The following ROBO2 variants were observed in gnomAD, a reference collection of about 807,000 sequenced individuals.
ROBO2 encodes roundabout homolog 2.
A neutral mutation model predicts 160.8 loss-of-function variants in ROBO2; 53 were observed. The ratio of observed to expected loss-of-function variants is 0.33; its 90% confidence interval spans 0.26 to 0.41. ROBO2 has a LOEUF of 0.41. ROBO2 is among the 10% of genes least tolerant of loss of function. The pLI is 1.00. For synonymous variants in ROBO2, 664 were observed against 611.7 expected, an observed-to-expected ratio of 1.09 and a Z score of -1.26; for missense variants, 1,577 against 1,722.4, an observed-to-expected ratio of 0.92 and a Z score of 1.49.
chr3:77,455,373 C>A (rs2081523231), intron 2 of ROBO2, among the ~76,000 whole-genome samples: 1 of 152,114 alleles, frequency 6.6e-6, no homozygotes, highest in South Asian at 2.1e-4. Context: ...AATATAATCG[C>A]TGACATGTGA....
intron 2 of ROBO2, among the ~76,000 whole-genome samples, chr3:76,525,543 A>G (rs879896307): frequency 1.3e-5 from 2 of 151,926 alleles, no homozygotes; most frequent in Admixed American, 1.3e-4. Flanking sequence ...AAACTGAAAA[A>G]AATTCTTTTA....
rs1000017672 is a variant in ROBO2 at position 76,039,152 on chromosome 3, A to G, written c.109+101550A>G. ...GGAAGTGGCCATAGTAAAGACTGGC[A>G]TTAGGTTGACTAGAGAAGGATGCGG... On this transcript the variant is annotated intron_variant, in intron 2 of 26. Transcript: ENST00000487694. Among the ~76,000 whole-genome samples, 7 of 151,998 alleles carry G rather than the reference A, an allele frequency of 4.6e-5. 1 individual carries two copies. Among genetic ancestry groups the G allele is most frequent in the African/African-American group, 1.7e-4 (7 of 41,256 alleles).
At chr3:75,986,884 T>C (rs1345732835) in intron 2 of ROBO2, among the ~76,000 whole-genome samples, 1 of 151,758 alleles carries the variant, frequency 6.6e-6, no homozygotes, top group South Asian at 2.1e-4. Flanking sequence ...TCACCATACA[T>C]GTGAAGATTC....
chr3:76,537,999 G>A (rs1370853190), intron 2 of ROBO2, among the ~76,000 whole-genome samples: 1 of 152,042 alleles, frequency 6.6e-6, no homozygotes, highest in Non-Finnish European at 1.5e-5. Flanking sequence ...TCATATGGAG[G>A]GTCAATCGGT....
At chr3:76,122,376 A>G (rs191881516) in intron 2 of ROBO2, among the ~76,000 whole-genome samples, 10 of 152,094 alleles carry the variant, frequency 6.6e-5, no homozygotes, top group African/African-American at 2.2e-4. Context: ...CTGTATTTTT[A>G]TTTTTCTTGA....
At chr3:76,816,954 A>G (rs936105895) in intron 2 of ROBO2, among the ~76,000 whole-genome samples, 2 of 152,156 alleles carry the variant, frequency 1.3e-5, no homozygotes. Context: ...CATCATTCTC[A>G]GCAAACTAAC....
At chr3:76,924,076 C>G (rs189438355) in intron 2 of ROBO2, among the ~76,000 whole-genome samples, 1 of 152,066 alleles carries the variant, frequency 6.6e-6, no homozygotes, top group Non-Finnish European at 1.5e-5. Context: ...AGAATTTGAG[C>G]GACAGTATGT....
At chr3:77,533,152 C>A (rs529010163) in intron 6 of ROBO2, among the ~76,000 whole-genome samples, 7 of 152,092 alleles carry the variant, frequency 4.6e-5, no homozygotes, top group Non-Finnish European at 1.0e-4. Context: ...TTTTCAATAT[C>A]TTACTAAAAA....
chr3:77,560,136 G>T (rs1419918756), intron 9 of ROBO2, among the ~76,000 whole-genome samples: 1 of 152,054 alleles, frequency 6.6e-6, no homozygotes, highest in East Asian at 1.9e-4. Context: ...AGCAATTAAA[G>T]GTGGGTGCTT....
intron 2 of ROBO2, among the ~76,000 whole-genome samples, chr3:76,762,980 T>C (rs188665703): frequency 6.6e-6 from 1 of 151,800 alleles, no homozygotes; most frequent in East Asian, 2.0e-4. Context: ...ACAATATAAA[T>C]TGGTAAATTA....
chr3:77,206,389 C>G (rs1014775573), intron 2 of ROBO2, among the ~76,000 whole-genome samples: 2 of 151,966 alleles, frequency 1.3e-5, no homozygotes, highest in East Asian at 1.9e-4. Context: ...AGGCTGGTCT[C>G]GAATTCCTGA....
chr3:77,548,802 G>C (rs945791283), intron 7 of ROBO2, among the ~76,000 whole-genome samples: 1 of 151,920 alleles, frequency 6.6e-6, no homozygotes, highest in Non-Finnish European at 1.5e-5. Context: ...GAGAAAGAGA[G>C]AGAGAGAGAG....
At chr3:76,605,823 C>T (rs2087606910) in intron 2 of ROBO2, among the ~76,000 whole-genome samples, 1 of 152,194 alleles carries the variant, frequency 6.6e-6, no homozygotes, top group East Asian at 1.9e-4. Flanking sequence ...TTGATAGGTG[C>T]AGCCTGGGAG....
At chr3:77,622,259 C>T (rs758454012) in exon 23 of ROBO2, 4 of 1,614,018 alleles carry the variant, frequency 2.5e-6, no homozygotes, top group South Asian at 2.2e-5. Flanking sequence ...CCTCCACAGC[C>T]TCCAGTTCCA....
chr3:77,033,869 T>C (rs1412371452), intron 2 of ROBO2, among the ~76,000 whole-genome samples: 2 of 152,072 alleles, frequency 1.3e-5, no homozygotes, highest in Non-Finnish European at 2.9e-5. Flanking sequence ...TTTATATTTC[T>C]GATAAATATA....
At chr3:77,063,266 G>T (rs2066507058) in intron 1 of ROBO2, among the ~76,000 whole-genome samples, 1 of 152,196 alleles carries the variant, frequency 6.6e-6, no homozygotes, top group South Asian at 2.1e-4. Flanking sequence ...GCTGGGAGAG[G>T]AGTGTACGTG....
chr3:76,729,369 T>C (rs2093599944), intron 2 of ROBO2, among the ~76,000 whole-genome samples: 1 of 152,136 alleles, frequency 6.6e-6, no homozygotes, highest in African/African-American at 2.4e-5. Flanking sequence ...GGGAATACTC[T>C]CTCCCCTTTT....
chr3:75,974,213 A>T (rs2065074612), intron 2 of ROBO2, among the ~76,000 whole-genome samples: 1 of 151,634 alleles, frequency 6.6e-6, no homozygotes, highest in Admixed American at 6.6e-5. Flanking sequence ...AATATATGAA[A>T]ACATTTAAAC....
chr3:77,266,806 C>T (rs184444793), intron 2 of ROBO2, among the ~76,000 whole-genome samples: 1 of 152,126 alleles, frequency 6.6e-6, no homozygotes, highest in Non-Finnish European at 1.5e-5. Flanking sequence ...GTAAGGGTCA[C>T]AATGCCTGAC....
Sources: allele counts gnomAD v4.1 joint callset (sites outside exome capture counted in the v4.1 genomes callset), GRCh38; gene constraint gnomAD v4.1.1; transcripts MANE v1.5; gene names NCBI Gene and HGNC (gene_info 2026-07-23, HGNC 2026-07-21).